Variants in EIF4G3 observed in about 807,000 individuals in gnomAD.
EIF4G3 encodes eIF-4-gamma 3.
In EIF4G3, 34 loss-of-function variants were observed where a neutral mutation model predicts 186.4. The observed-to-expected ratio is 0.18, with a 90% confidence interval of 0.14 to 0.24. The LOEUF is 0.24. Among genes scored for constraint, EIF4G3 ranks in the 10% least tolerant of loss-of-function variants. The pLI is 1.00. For missense variants in EIF4G3, 1,536 were observed against 1,948.5 expected (o/e 0.79, Z 3.99); for synonymous variants, 673 against 679.5 (o/e 0.99, Z 0.15).
At chr1:21,036,965 A>G (rs2093259248) in intron 4 of EIF4G3, among the ~76,000 whole-genome samples, 1 of 152,226 alleles carries the variant, frequency 6.6e-6, no homozygotes, top group African/African-American at 2.4e-5. Context: ...ACTCAGAAAA[A>G]GTAAGAAATT....
intron 2 of EIF4G3, among the ~76,000 whole-genome samples, chr1:21,145,876 T>G (rs2097431190): frequency 6.6e-6 from 1 of 152,102 alleles, no homozygotes; most frequent in Non-Finnish European, 1.5e-5. Context: ...GGCCAAATGT[T>G]TGAGACCAGC....
chr1:20,939,943 C>A (rs928833027), intron 14 of EIF4G3, among the ~76,000 whole-genome samples: 1 of 150,844 alleles, frequency 6.6e-6, no homozygotes, highest in Non-Finnish European at 1.5e-5. Context: ...CAACCTCTGC[C>A]TCCCAGGTTC....
chr1:21,069,852 A>C (rs1000480104), intron 3 of EIF4G3, among the ~76,000 whole-genome samples: 9 of 152,224 alleles, frequency 5.9e-5, no homozygotes, highest in African/African-American at 2.2e-4. Flanking sequence ...TGTCGAAAGA[A>C]AAGAGGATGA....
intron 3 of EIF4G3, among the ~76,000 whole-genome samples, chr1:21,060,722 A>G (rs1353040276): frequency 6.7e-6 from 1 of 148,868 alleles, no homozygotes; most frequent in Non-Finnish European, 1.5e-5. Flanking sequence ...CACCATGATC[A>G]TGCCTGTGAA....
intron 2 of EIF4G3, among the ~76,000 whole-genome samples, chr1:21,103,389 A>C (rs1484761854): frequency 6.6e-6 from 1 of 152,242 alleles, no homozygotes; most frequent in Non-Finnish European, 1.5e-5. Flanking sequence ...TAACTTCTAC[A>C]AATCCTGTTT....
At chr1:20,940,513 T>A (rs1452290379) in intron 14 of EIF4G3, among the ~76,000 whole-genome samples, 1 of 152,184 alleles carries the variant, frequency 6.6e-6, no homozygotes, top group Non-Finnish European at 1.5e-5. Flanking sequence ...AATTTCCTTA[T>A]TATACACCTC....
intron 12 of EIF4G3, among the ~76,000 whole-genome samples, chr1:20,961,686 C>A (rs549556878): frequency 1.3e-5 from 2 of 152,048 alleles, no homozygotes; most frequent in Non-Finnish European, 2.9e-5. Flanking sequence ...CTCATCATGA[C>A]GAACAGAGAA....
intron 2 of EIF4G3, among the ~76,000 whole-genome samples, chr1:21,141,895 C>T (rs140323482): frequency 1.2e-4 from 18 of 151,612 alleles, no homozygotes; most frequent in South Asian, 6.3e-4. Context: ...TATGCCACCA[C>T]GCTCCATCCA....
chr1:21,053,354 C>T lies in EIF4G3; in HGVS notation c.-195-2360G>A, dbSNP rs1413147042. On this transcript the variant is annotated intron_variant, in intron 3 of 36. Transcript: ENST00000602326. ...GAGCGTCTCCGCCCAGCAGCCACCC[C>T]GTCTGGGAGGGAGGTGGGGGTCAGC... 4.0e-5 allele frequency among the ~76,000 whole-genome samples: 6 copies of T among 149,920 alleles called. No individual in the cohort carries two copies. In the South Asian group the frequency reaches 8.4e-4, roughly 21 times the overall value.
intron 2 of EIF4G3, among the ~76,000 whole-genome samples, chr1:21,094,803 TAAA>T (rs994377884): frequency 6.9e-6 from 1 of 145,000 alleles, no homozygotes; most frequent in African/African-American, 2.5e-5. Flanking sequence ...ATAATAATAA[TAAA>T]AGCCAGGATT....
chr1:21,025,652 C>CAG (rs1391350547), intron 4 of EIF4G3, among the ~76,000 whole-genome samples: 1 of 152,160 alleles, frequency 6.6e-6, no homozygotes, highest in Non-Finnish European at 1.5e-5. Flanking sequence ...CCATACTGGC[C>CAG]TTATTTTATT....
At chr1:20,960,970 G>A (rs1436073680) in intron 12 of EIF4G3, among the ~76,000 whole-genome samples, 2 of 152,112 alleles carry the variant, frequency 1.3e-5, no homozygotes, top group African/African-American at 4.8e-5. Flanking sequence ...CAAATAACTG[G>A]TGAACATCGA....
At chr1:21,053,286 G>A (rs1348513421) in intron 3 of EIF4G3, among the ~76,000 whole-genome samples, 1 of 151,554 alleles carries the variant, frequency 6.6e-6, no homozygotes, top group East Asian at 2.0e-4. Context: ...TCTGAGAAGT[G>A]AGGAGCCCCT....
chr1:20,816,112 C>T (rs2060726732), intron 34 of EIF4G3, among the ~76,000 whole-genome samples: 3 of 135,974 alleles, frequency 2.2e-5, no homozygotes, highest in Admixed American at 2.1e-4. Flanking sequence ...GGGATCAGCC[C>T]CCCGCCCGGC....
Position 20,941,742 on chromosome 1 carries a change from G to T in EIF4G3, c.1412C>A (p.Pro471His), listed in dbSNP as rs1378533158. Residue 471 changes from proline (P) to histidine (H), a missense_variant, in exon 14 of 37, where the codon CCT becomes CAT. Physicochemically the swap from Pro to His is moderately conservative, Grantham distance 77. Coordinates refer to ENST00000602326, the MANE Select transcript of EIF4G3 (RefSeq NM_001391906.1). ...AGCTGGAGGAGTTGGAGGAGTTGGA[G>T]GAAAGGAAGGAACTGTGGAAGGGGT... ...PITPSTVPSF[P>H]PTPPTPPASP... 1.9e-6 allele frequency: 3 copies of T among 1,610,362 alleles called. No individual in the cohort carries two copies. Among genetic ancestry groups the T allele is most frequent in the Non-Finnish European group, 2.5e-6 (3 of 1,178,224 alleles).
At chr1:21,111,324 T>G (rs527931362) in intron 2 of EIF4G3, 12 of 471,436 alleles carry the variant, frequency 2.5e-5, no homozygotes, top group African/African-American at 1.4e-4. Flanking sequence ...CTAGATTACC[T>G]TGGGAAAATG....
chr1:21,131,373 A>G (rs1345146122), intron 2 of EIF4G3, among the ~76,000 whole-genome samples: 2 of 151,316 alleles, frequency 1.3e-5, no homozygotes, highest in African/African-American at 4.8e-5. Flanking sequence ...ATGGTATAAT[A>G]TATGTATAAC....
intron 4 of EIF4G3, among the ~76,000 whole-genome samples, chr1:21,029,707 G>A (rs1458132939): frequency 6.6e-6 from 1 of 152,100 alleles, no homozygotes; most frequent in Non-Finnish European, 1.5e-5. Flanking sequence ...GTAAATAAGA[G>A]AAAGTGAAGG....
At chr1:20,939,853 T>TG (rs1371634341) in intron 14 of EIF4G3, among the ~76,000 whole-genome samples, 2 of 134,044 alleles carry the variant, frequency 1.5e-5, no homozygotes, top group East Asian at 2.0e-4. Context: ...TTTAGTTTTT[T>TG]TTTTTTTTTT....
Sources: gnomAD v4.1 joint callset for allele counts (sites outside exome capture counted in the v4.1 genomes callset) on GRCh38, gnomAD v4.1.1 for gene constraint, MANE v1.5 for transcripts, NCBI Gene and HGNC (gene_info 2026-07-23, HGNC 2026-07-21) for gene names.